Variants in WIZ observed in about 807,000 individuals in gnomAD.
WIZ encodes the protein WIZ zinc finger, also known as protein Wiz.
Under a neutral mutation model 140.2 loss-of-function variants are expected in WIZ, and 25 were observed. The observed-to-expected ratio is 0.18, with a 90% CI of 0.13 to 0.25. The LOEUF (loss-of-function observed/expected upper bound fraction) is 0.25. Among genes scored for constraint, WIZ ranks in the 10% least tolerant of loss-of-function variants. WIZ has a pLI of 1.00. For missense variants in WIZ, 2,231 were observed against 2,632.6 expected (o/e 0.85, Z 3.34); for synonymous variants, 1,125 against 1,154.3 (o/e 0.97, Z 0.51).
At chr19:15,445,118 G>A (rs1373908935) in intron 2 of WIZ, among the ~76,000 whole-genome samples, 1 of 152,228 alleles carries the variant, frequency 6.6e-6, no homozygotes, top group Non-Finnish European at 1.5e-5. Context: ...GCGCTAGGTC[G>A]CAGCCCTTAG....
In WIZ at chr19:15,439,049, G is replaced by C. The variant is rs757406572; in HGVS notation, c.1945C>G (p.Leu649Val). 31 of 1,498,552 alleles carry C rather than the reference G, an allele frequency of 2.1e-5. 1 individual carries two copies. The South Asian group carries it at 3.7e-4, about 18-fold the overall frequency. The allele number at this position is 1,498,552 out of a possible 1,614,324, so 92.8% of individuals were successfully genotyped here. A position where few individuals can be genotyped will look rare whatever the true frequency, so the allele number is the denominator to read the frequency against. Residue 649 changes from leucine (L) to valine (V), a missense_variant, in exon 4 of 13, where the codon CTC becomes GTC. Leu to Val is a conservative substitution (Grantham distance 32). Coordinates refer to ENST00000673675, the MANE Select transcript of WIZ (RefSeq NM_001371589.1). The surrounding 1 kb of genome is among the most constrained non-coding windows in gnomAD (Gnocchi z 7.0). ...GVFSPLATPS[L>V]IPQAALELKQ... Reference sequence around the variant, plus strand: ...AGCTCCAGGGCCGCCTGCGGGATGAGGCTGGGGGTGGCTAGGGGTGAAAAG... The same window carrying C: ...AGCTCCAGGGCCGCCTGCGGGATGACGCTGGGGGTGGCTAGGGGTGAAAAG...
chr19:15,424,805 C>T lies in WIZ; in HGVS notation c.5122G>A (p.Gly1708Ser), dbSNP rs758923043. Reference protein sequence around the residue: ...RPFTKKFRSAGHGRDSDKRPS... With the variant: ...RPFTKKFRSASHGRDSDKRPS... ...CGCTTGTCACTGTCACGGCCATGGC[C>T]GGCACTGCGGAACTTCTTGGTGAAG... Residue 1708 changes from glycine to serine, a missense_variant, in exon 11 of 13, where the codon GGC becomes AGC. This residue lies in a region of WIZ where 299 missense variants were observed against 309.6 expected (regional missense o/e 0.97). Coordinates refer to ENST00000673675, the MANE Select transcript of WIZ (RefSeq NM_001371589.1). The surrounding 1 kb of genome is among the most constrained non-coding windows in gnomAD (Gnocchi z 9.7). 27 of 1,605,386 alleles carry T rather than the reference C, an allele frequency of 1.7e-5. No individual in the cohort carries two copies. The highest frequency in any genetic ancestry group is 3.3e-5 in the South Asian group (3 of 89,702).
At position 15,429,775 on chromosome 19, in the gene WIZ, C is replaced by T. The variant is rs975886605; in HGVS notation, c.3226G>A (p.Gly1076Ser). ...TGGCCCAGGCCCTTGGCCGAGAAGC[C>T]GGGAGGCGACTTGATGGCTTTGTTG... ...AVNKAIKSPP[G>S]FSAKGLGHPP... Residue 1076 changes from glycine to serine, a missense_variant, in exon 7 of 13, where the codon GGC becomes AGC. Physicochemically the swap from Gly to Ser is moderately conservative, Grantham distance 56 (BLOSUM62 0). Around this residue, in one of 15 missense-constraint regions of WIZ, gnomAD observed 163 missense variants for 166.8 expected, o/e 0.98. Coordinates refer to ENST00000673675, the MANE Select transcript of WIZ (RefSeq NM_001371589.1). 11 of 1,514,600 alleles carry T rather than the reference C, an allele frequency of 7.3e-6. No individual in the cohort carries two copies. Among genetic ancestry groups the T allele is most frequent in the Middle Eastern group, 1.7e-4 (1 of 5,854 alleles). The allele number at this position is 1,514,600 out of a possible 1,614,324, so 93.8% of individuals were successfully genotyped here.
rs770834025 is a variant in WIZ, at chr19:15,440,441, C to G, written c.553G>C (p.Asp185His). 2.0e-6 allele frequency: 3 copies of G among 1,536,078 alleles called. No individual in the cohort carries two copies. The South Asian group carries it at 3.6e-5, about 18-fold the overall frequency. The change falls in exon 4 of 13, where the codon GAC (aspartate) becomes CAC (histidine). Residue 185 changes from aspartate (D) to histidine (H), a missense_variant. Coordinates refer to ENST00000673675, the MANE Select transcript of WIZ (RefSeq NM_001371589.1). This position sits in a 1 kb window ranked among gnomAD's most constrained non-coding sequence, Gnocchi z 6.2. The stretch of plus-strand genomic sequence containing the variant: ...TGCTCGTCCTCATCTTGGAGCCAGT[C>G]GAACCTGGGGCGGCCCTGGGCATGT... Reference protein sequence around the residue: ...EKHAQGRPRFDWLQDEDEQGS... With the variant: ...EKHAQGRPRFHWLQDEDEQGS...
In WIZ at chr19:15,440,000, C is replaced by G. The variant is rs1969672525; in HGVS notation, c.994G>C (p.Glu332Gln). 6.5e-7 allele frequency: 1 copy of G among 1,535,678 alleles called. No homozygotes were observed. The highest frequency in any genetic ancestry group is 8.7e-7 in the Non-Finnish European group (1 of 1,146,784). The change falls in exon 4 of 13, where the codon GAG becomes CAG. Residue 332 changes from glutamate to glutamine, a missense_variant. By Grantham distance (29) the Glu-to-Gln change is conservative. Transcript: ENST00000673675. This position sits in a 1 kb window ranked among gnomAD's most constrained non-coding sequence, Gnocchi z 7.0. ...IYFKQKEHLL[E>Q]HMSQHRRAPG... ...GCTCGGCGGTGCTGGCTCATGTGCTCCAGGAGGTGCTCCTTCTGCTTGAAG... is the reference window on the plus strand; with the variant it reads ...GCTCGGCGGTGCTGGCTCATGTGCTGCAGGAGGTGCTCCTTCTGCTTGAAG...
rs868108429 is a variant in WIZ at position 15,424,446 on chromosome 19, G to A, written c.5315-68C>T. The A allele has an allele frequency of 6.4e-7, 1 of 1,565,504 alleles. No homozygotes were observed. Among genetic ancestry groups the A allele is most frequent in the Non-Finnish European group, 8.6e-7 (1 of 1,156,130 alleles). On this transcript the variant is annotated intron_variant, in intron 11 of 12. Transcript: ENST00000673675. This position sits in a 1 kb window ranked among gnomAD's most constrained non-coding sequence, Gnocchi z 9.7. ...TGCTGCAGAGACTTGGAATACACAAGAGCTGAGGACTGATGCTACCTGGAT... is the reference window on the plus strand; with the variant it reads ...TGCTGCAGAGACTTGGAATACACAAAAGCTGAGGACTGATGCTACCTGGAT...
rs1309070762 is a variant in WIZ, at chr19:15,427,332, T to C, written c.4016A>G (p.Asn1339Ser). ...RTQSRPGGPP[N>S]PPGPSPKALA... is the part of the protein sequence containing the mutation. ...GGCTTTTGGGCTTGGCCCTGGTGGG[T>C]TGGGAGGTCCACCAGGCCGAGACTG... The change falls in exon 9 of 13, where the codon AAC (asparagine) becomes AGC (serine). Residue 1339 changes from asparagine to serine, a missense_variant. Coordinates refer to ENST00000673675, the MANE Select transcript of WIZ (RefSeq NM_001371589.1). This position sits in a 1 kb window ranked among gnomAD's most constrained non-coding sequence, Gnocchi z 6.4. 42 of 1,613,392 alleles carry C rather than the reference T, an allele frequency of 2.6e-5. No homozygotes were observed. The highest frequency in any genetic ancestry group is 1.2e-4 in the Admixed American group (7 of 59,986).
intron 7 of WIZ, among the ~76,000 whole-genome samples, chr19:15,429,129 T>G (rs1487767300): frequency 6.6e-6 from 1 of 152,106 alleles, no homozygotes; most frequent in African/African-American, 2.4e-5. Flanking sequence ...GAGAGCTGCC[T>G]CTGCGTGGTG....
chr19:15,427,641 G>T lies in WIZ; in HGVS notation c.3815-108C>A. 1 of 1,277,098 alleles carries T rather than the reference G, an allele frequency of 7.8e-7. No homozygotes were observed. The highest frequency in any genetic ancestry group is 1.1e-6 in the Non-Finnish European group (1 of 945,094). 79.1% of individuals were successfully genotyped at this position (1,277,098 alleles called of 1,614,324 possible). A position where few individuals can be genotyped will look rare whatever the true frequency, so the allele number is the denominator to read the frequency against. ...GTGGGCGGCAGCAGCACGCCCACAG[G>T]TTAGGGTGGTGAGGGCAGGTGCAGG... On this transcript the variant is annotated intron_variant, in intron 8 of 12. Coordinates refer to ENST00000673675, the MANE Select transcript of WIZ (RefSeq NM_001371589.1). The surrounding 1 kb of genome is among the most constrained non-coding windows in gnomAD (Gnocchi z 6.4).
Position 15,438,819 on chromosome 19 carries a change from C to A in WIZ, c.2175G>T (p.Pro725=), listed in dbSNP as rs550312472. The change falls in exon 4 of 13, where the codon CCG becomes CCT. Residue 725 remains proline (P), a synonymous_variant. Coordinates refer to ENST00000673675, the MANE Select transcript of WIZ (RefSeq NM_001371589.1). ...HPLDFLLLDA[P]LGGPLGLDTL... is the part of the protein sequence containing the mutation. ...TGTCCAGCCCCAGCGGGCCGCCCAG[C>A]GGCGCGTCCAGGAGCAGGAAGTCCA... 2.2e-5 allele frequency: 33 copies of A among 1,507,420 alleles called. No individual in the cohort carries two copies. In the East Asian group the frequency reaches 6.5e-4, roughly 29 times the overall value. 93.4% of individuals were successfully genotyped at this position (1,507,420 alleles called of 1,614,324 possible).
At position 15,425,776 on chromosome 19, in the gene WIZ, G is replaced by T; in HGVS notation, c.4367-8C>A. The stretch of plus-strand genomic sequence containing the variant: ...CCGGCTCTGCCCGGGACGCTGCAGG[G>T]GATCCAGGGTAGGGGGAAGGAGGAG... On this transcript the variant is annotated splice_polypyrimidine_tract_variant and splice_region_variant and intron_variant, in intron 9 of 12. Transcript: ENST00000673675. 2.0e-6 allele frequency: 3 copies of T among 1,537,654 alleles called. No individual in the cohort carries two copies. The South Asian group carries it at 3.5e-5, about 18-fold the overall frequency.
chr19:15,425,671 C>A lies in WIZ; in HGVS notation c.4464G>T (p.Leu1488=). 6.2e-7 allele frequency: 1 copy of A among 1,613,494 alleles called. No individual in the cohort carries two copies. The highest frequency in any genetic ancestry group is 8.5e-7 in the Non-Finnish European group (1 of 1,179,940). ...ACCACTCGGTCACACCCATCTGCCGCAGGTGTGAGCGCGCGTGACTCGACA... is the reference window on the plus strand; with the variant it reads ...ACCACTCGGTCACACCCATCTGCCGAAGGTGTGAGCGCGCGTGACTCGACA... ...KGLSSHARSH[L]RQMGVTEWSV... Residue 1488 remains leucine, a synonymous_variant, in exon 10 of 13, where the codon CTG becomes CTT. Transcript: ENST00000673675.
In WIZ at chr19:15,423,580, C is replaced by A. The variant is rs529405877; in HGVS notation, c.5511-345G>T. Among the ~76,000 whole-genome samples, 3 of 152,206 alleles carry A rather than the reference C, an allele frequency of 2.0e-5. No homozygotes were observed. In the East Asian group the frequency reaches 5.8e-4, roughly 29 times the overall value. ...GCAAATCCTACCCAACGCACCAAGC[C>A]CCCCACCTCCTCCTGTCTTCCTGGC... On this transcript the variant is annotated intron_variant, in intron 12 of 12. Transcript: ENST00000673675.
In WIZ at chr19:15,423,016, A is replaced by T; in HGVS notation, c.*60T>A. ...AAGAAAGAGGAAGAGGGACAAGGAC[A>T]CAGAGGAGGAAGAAGAGGAGACAGA... On this transcript the variant is annotated 3_prime_UTR_variant, in exon 13 of 13. Transcript: ENST00000673675. The T allele has an allele frequency of 6.3e-7, 1 of 1,582,684 alleles. No homozygotes were observed. The highest frequency in any genetic ancestry group is 8.6e-7 in the Non-Finnish European group (1 of 1,164,128).
Position 15,420,213 on chromosome 19 carries a change from G to A in WIZ, c.*2863C>T, listed in dbSNP as rs1384008300. 1 of 152,194 alleles carries A rather than the reference G, an allele frequency of 6.6e-6. No homozygotes were observed. Among genetic ancestry groups the A allele is most frequent in the Non-Finnish European group, 1.5e-5 (1 of 68,048 alleles). 9.4% of individuals were successfully genotyped at this position (152,194 alleles called of 1,614,324 possible). On this transcript the variant is annotated 3_prime_UTR_variant, in exon 13 of 13. Coordinates refer to ENST00000673675, the MANE Select transcript of WIZ (RefSeq NM_001371589.1). ...AAGACATTGGTCATGGGTTGGTGAT[G>A]GATAGATGAGAGTCCATTTTACTGT...
At position 15,424,197 on chromosome 19, in the gene WIZ, G is replaced by A. The variant is rs1387568426; in HGVS notation, c.5496C>T (p.Tyr1832=). 6.4e-7 allele frequency: 1 copy of A among 1,564,450 alleles called. No homozygotes were observed. The highest frequency in any genetic ancestry group is 2.0e-5 in the Admixed American group (1 of 51,162). Residue 1832 remains tyrosine, a synonymous_variant, in exon 12 of 13, where the codon TAC becomes TAT. Coordinates refer to ENST00000673675, the MANE Select transcript of WIZ (RefSeq NM_001371589.1). The surrounding 1 kb of genome is among the most constrained non-coding windows in gnomAD (Gnocchi z 9.7). The stretch of plus-strand genomic sequence containing the variant: ...GGGCAGCCTACCTGCATTTGAGGGT[G>A]TAGATGTTGCCCACGAACTTGACAA... ...TSLVKFVGNI[Y]TLKCRFCEVE...
intron 5 of WIZ, among the ~76,000 whole-genome samples, chr19:15,434,053 G>C (rs1969419467): frequency 6.6e-6 from 1 of 152,106 alleles, no homozygotes. Context: ...TCAGGAGTTT[G>C]AGACCAGCCT....
In WIZ at chr19:15,424,483, G is replaced by A. The variant is rs1568284939; in HGVS notation, c.5315-105C>T. ...GATGCTACCTGGATGGGTGGGATGG[G>A]GGATGGATGGGTGAATGGGTAAGCA... On this transcript the variant is annotated intron_variant, in intron 11 of 12. Transcript: ENST00000673675. This position sits in a 1 kb window ranked among gnomAD's most constrained non-coding sequence, Gnocchi z 9.7. 6.5e-7 allele frequency: 1 copy of A among 1,528,626 alleles called. No individual in the cohort carries two copies. Among genetic ancestry groups the A allele is most frequent in the African/African-American group, 1.4e-5 (1 of 71,386 alleles). 94.7% of individuals were successfully genotyped at this position (1,528,626 alleles called of 1,614,324 possible). A position where few individuals can be genotyped will look rare whatever the true frequency, so the allele number is the denominator to read the frequency against.
At chr19:15,426,041 C>T (rs1968802463) in intron 9 of WIZ, among the ~76,000 whole-genome samples, 1 of 151,826 alleles carries the variant, frequency 6.6e-6, no homozygotes, top group Non-Finnish European at 1.5e-5. Flanking sequence ...TCTGGGCTTC[C>T]AGAGGCCCTT....
Sources: allele counts gnomAD v4.1 joint callset (sites outside exome capture counted in the v4.1 genomes callset), GRCh38; gene constraint gnomAD v4.1.1; regional missense constraint gnomAD v4.1.1; non-coding constraint Gnocchi (gnomAD v3.1); transcripts MANE v1.5; gene names NCBI Gene and HGNC (gene_info 2026-07-23, HGNC 2026-07-21).